LMBR1: variants seen among roughly 807,000 people sequenced by gnomAD.
LMBR1 encodes the protein limb development membrane protein 1.
In LMBR1, 52 loss-of-function variants were observed where a neutral mutation model predicts 73.9. The ratio of observed to expected loss-of-function variants is 0.70; its 90% CI spans 0.56 to 0.89. LMBR1 has a LOEUF of 0.89. LMBR1 is among the 40% of genes least tolerant of loss of function. The pLI, the probability that LMBR1 is intolerant of heterozygous loss-of-function variation, is 0.00. For missense variants in LMBR1, 539 were observed against 579.8 expected (o/e 0.93, Z 0.72); for synonymous variants, 215 against 209.4 (o/e 1.03, Z -0.23).
At chr7:156,856,591 T>G (rs1228311829) in intron 1 of LMBR1, among the ~76,000 whole-genome samples, 3 of 151,816 alleles carry the variant, frequency 2.0e-5, no homozygotes. Context: ...CATGGTGGCA[T>G]GTGCCTGTAA....
At chr7:156,872,952 T>C (rs1799532715) in intron 1 of LMBR1, among the ~76,000 whole-genome samples, 2 of 152,196 alleles carry the variant, frequency 1.3e-5, no homozygotes, top group Non-Finnish European at 2.9e-5. Flanking sequence ...TGGTGGGTTC[T>C]TGGTCTCACT....
chr7:156,729,962 C>T (rs1014111172), intron 10 of LMBR1, among the ~76,000 whole-genome samples: 6 of 152,204 alleles, frequency 3.9e-5, no homozygotes, highest in Admixed American at 3.9e-4. Context: ...GGCCAATATT[C>T]TGTGAAGTAA....
At position 156,684,476 on chromosome 7, in the gene LMBR1, C is replaced by T. The variant is rs112650007; in HGVS notation, c.1388-313G>A. ...AAGGGCCATCGAAGTCACAACATCC[C>T]CGAGGGCCAGCGGAGGCTTCCAGTG... On this transcript the variant is annotated intron_variant, in intron 16 of 16. Transcript: ENST00000353442. Among the ~76,000 whole-genome samples the T allele has an allele frequency of 1.7e-3, 254 of 152,244 alleles. 1 individual carries two copies. Among genetic ancestry groups the T allele is most frequent in the Admixed American group, 5.0e-3 (77 of 15,296 alleles).
At chr7:156,700,482 G>A (rs547294288) in intron 15 of LMBR1, among the ~76,000 whole-genome samples, 13 of 151,630 alleles carry the variant, frequency 8.6e-5, no homozygotes, top group East Asian at 3.9e-4. Flanking sequence ...AACATGGCAC[G>A]TGTATACATA....
chr7:156,807,481 A>G (rs991811328), intron 4 of LMBR1, among the ~76,000 whole-genome samples: 2 of 152,224 alleles, frequency 1.3e-5, no homozygotes, highest in Non-Finnish European at 2.9e-5. Context: ...AGGTGTTCAT[A>G]ATATGCAATT....
At chr7:156,764,599 AC>A in intron 5 of LMBR1, among the ~76,000 whole-genome samples, 1 of 152,196 alleles carries the variant, frequency 6.6e-6, no homozygotes, top group East Asian at 1.9e-4. Flanking sequence ...CAATGCACTA[AC>A]CTACAATTAT....
intron 16 of LMBR1, 116 bp downstream of exon 16, chr7:156,687,914 T>C: frequency 1.1e-6 from 1 of 943,452 alleles, no homozygotes; most frequent in Non-Finnish European, 1.5e-6. Context: ...ATCAATAATT[T>C]GACCTCTAAG....
At chr7:156,772,161 C>G (rs961494805) in intron 5 of LMBR1, among the ~76,000 whole-genome samples, 3 of 152,140 alleles carry the variant, frequency 2.0e-5, no homozygotes, top group Non-Finnish European at 4.4e-5. Context: ...GTAATCCCAG[C>G]TACTCAGAAG....
chr7:156,795,010 A>G (rs1173274511), intron 5 of LMBR1, among the ~76,000 whole-genome samples: 1 of 152,200 alleles, frequency 6.6e-6, no homozygotes, highest in Non-Finnish European at 1.5e-5. Context: ...AAATGACCAG[A>G]TGGAGGACTC....
At chr7:156,788,345 C>T (rs1828534182) in intron 5 of LMBR1, among the ~76,000 whole-genome samples, 2 of 152,148 alleles carry the variant, frequency 1.3e-5, no homozygotes, top group Admixed American at 1.3e-4. Context: ...ACTTTACTAT[C>T]TGTATTGTTA....
intron 1 of LMBR1, among the ~76,000 whole-genome samples, chr7:156,844,872 C>A (rs964054553): frequency 1.3e-5 from 2 of 152,184 alleles, no homozygotes; most frequent in African/African-American, 4.8e-5. Flanking sequence ...GTGACACAGT[C>A]ATAAGTAACT....
intron 15 of LMBR1, among the ~76,000 whole-genome samples, chr7:156,693,839 T>C (rs779700582): frequency 6.6e-6 from 1 of 152,068 alleles, no homozygotes; most frequent in Non-Finnish European, 1.5e-5. Context: ...GCAACAAAAG[T>C]AAAGAAAACT....
downstream of LMBR1, among the ~76,000 whole-genome samples, chr7:156,674,034 C>G (rs183111258): frequency 6.6e-6 from 1 of 152,170 alleles, no homozygotes; most frequent in African/African-American, 2.4e-5. Flanking sequence ...GAGATCTCCA[C>G]GGGACTTGTT....
At chr7:156,808,818 G>A (rs1832601357) in intron 4 of LMBR1, among the ~76,000 whole-genome samples, 1 of 151,810 alleles carries the variant, frequency 6.6e-6, no homozygotes, top group Non-Finnish European at 1.5e-5. Context: ...TGGCTGCTCT[G>A]CCAATGAAAT....
intron 5 of LMBR1, among the ~76,000 whole-genome samples, chr7:156,782,118 A>C (rs1174773606): frequency 1.3e-5 from 2 of 152,232 alleles, no homozygotes; most frequent in African/African-American, 4.8e-5. Flanking sequence ...TTAACTTAGC[A>C]AGGTTCATCC....
At chr7:156,700,726 C>T (rs1809494190) in intron 15 of LMBR1, among the ~76,000 whole-genome samples, 1 of 152,066 alleles carries the variant, frequency 6.6e-6, no homozygotes, top group Admixed American at 6.6e-5. Flanking sequence ...TCTTCTGAGC[C>T]CTCCAAACTG....
In LMBR1 at chr7:156,680,403, A is replaced by AGAGAGAGAGAGAGAGT. The variant is rs1343950098; in HGVS notation, c.*3674_*3675insACTCTCTCTCTCTCTC. 3 of 125,168 alleles carry AGAGAGAGAGAGAGAGT rather than the reference A, an allele frequency of 2.4e-5. No individual in the cohort carries two copies. Among genetic ancestry groups the AGAGAGAGAGAGAGAGT allele is most frequent in the African/African-American group, 6.1e-5 (2 of 32,668 alleles). 7.8% of individuals were successfully genotyped at this position (125,168 alleles called of 1,614,324 possible). A position where few individuals can be genotyped will look rare whatever the true frequency, so the allele number is the denominator to read the frequency against. On this transcript the variant is annotated 3_prime_UTR_variant, in exon 17 of 17. Transcript: ENST00000353442. ...GAGAGAGAGAGAGAGAGAGAGAGAG[A>AGAGAGAGAGAGAGAGT]GTGTGTGTGTGTGTGTGTGTGTAAT...
At chr7:156,677,453 C>T (rs762946459), downstream of LMBR1, among the ~76,000 whole-genome samples, 6 of 152,244 alleles carry the variant, frequency 3.9e-5, no homozygotes, top group South Asian at 2.1e-4. Flanking sequence ...CCTTTGCCCC[C>T]GAGTCCCCAG....
At chr7:156,839,628 G>A (rs1838290601) in intron 1 of LMBR1, among the ~76,000 whole-genome samples, 2 of 152,074 alleles carry the variant, frequency 1.3e-5, no homozygotes, top group African/African-American at 4.8e-5. Context: ...GAACAACTTT[G>A]GACCAGGATA....
Sources: gnomAD v4.1 joint callset for allele counts (sites outside exome capture counted in the v4.1 genomes callset) on GRCh38, gnomAD v4.1.1 for gene constraint, MANE v1.5 for transcripts, NCBI Gene and HGNC (gene_info 2026-07-23, HGNC 2026-07-21) for gene names.